RBFOX1: variants seen among roughly 807,000 people sequenced by gnomAD.
RBFOX1 encodes RNA binding fox-1 homolog 1.
RBFOX1 carries 8 observed loss-of-function variants against 57.7 expected under a neutral mutation model. The ratio of observed to expected loss-of-function variants is 0.14; its 90% CI spans 0.08 to 0.25. The LOEUF (loss-of-function observed/expected upper bound fraction) is 0.25, where lower values mean the gene tolerates loss of function less well. Ranked by LOEUF, RBFOX1 falls within the 10% of genes least tolerant of loss-of-function variation. RBFOX1 has a pLI of 1.00. For missense variants in RBFOX1, 611 were observed against 548.5 expected (o/e 1.11, Z -1.14); for synonymous variants, 326 against 222.4 (o/e 1.47, Z -4.15).
chr16:6,824,032 C>T (rs1026390738), intron 3 of RBFOX1, among the ~76,000 whole-genome samples: 21 of 152,124 alleles, frequency 1.4e-4, no homozygotes, highest in Admixed American at 4.6e-4. Context: ...TAGAGTTCTC[C>T]ATTATCTGGA....
chr16:6,979,967 G>C (rs898199286), intron 3 of RBFOX1, among the ~76,000 whole-genome samples: 1 of 152,104 alleles, frequency 6.6e-6, no homozygotes, highest in Non-Finnish European at 1.5e-5. Context: ...TCATTTTCCT[G>C]TTGGAGTGGG....
chr16:6,642,510 C>G (rs950269682), intron 2 of RBFOX1, among the ~76,000 whole-genome samples: 4 of 151,910 alleles, frequency 2.6e-5, no homozygotes, highest in Non-Finnish European at 4.4e-5. Flanking sequence ...TCGAGTTACC[C>G]GGCCTTTTAC....
At chr16:7,001,360 G>GTGTGTATGTGTATGTGTATGTGTA (rs71408493) in intron 3 of RBFOX1, among the ~76,000 whole-genome samples, 61 of 143,580 alleles carry the variant, frequency 4.2e-4, no homozygotes, top group African/African-American at 1.4e-3. Context: ...GTGTGTGTTT[G>GTGTGTATGTGTATGTGTATGTGTA]TGTGTATGTG....
intron 4 of RBFOX1, among the ~76,000 whole-genome samples, chr16:7,157,170 C>T (rs2077322941): frequency 6.6e-6 from 1 of 152,196 alleles, no homozygotes; most frequent in African/African-American, 2.4e-5. Context: ...CTCACCTGAG[C>T]ATCGTTTCAG....
At chr16:7,352,933 A>G (rs1471051892) in intron 4 of RBFOX1, among the ~76,000 whole-genome samples, 1 of 152,040 alleles carries the variant, frequency 6.6e-6, no homozygotes, top group Non-Finnish European at 1.5e-5. Context: ...CTACGCTGGT[A>G]TCGAACTGCT....
intron 4 of RBFOX1, among the ~76,000 whole-genome samples, chr16:7,262,569 C>T (rs1231682831): frequency 6.6e-6 from 1 of 152,272 alleles, no homozygotes; most frequent in Non-Finnish European, 1.5e-5. Context: ...ACCCATTGCT[C>T]CTCATTCTGG....
intron 4 of RBFOX1, among the ~76,000 whole-genome samples, chr16:7,114,067 G>C (rs1443867934): frequency 6.6e-6 from 1 of 152,046 alleles, no homozygotes; most frequent in Non-Finnish European, 1.5e-5. Flanking sequence ...CTCATATTTG[G>C]CAAAATTTTC....
intron 4 of RBFOX1, among the ~76,000 whole-genome samples, chr16:7,184,725 G>C (rs2083384032): frequency 6.6e-6 from 1 of 152,098 alleles, no homozygotes; most frequent in Non-Finnish European, 1.5e-5. Flanking sequence ...AAAAATTTGG[G>C]GCAATGTGGA....
chr16:5,438,142 C>T (rs146346240), intron 1 of RBFOX1, among the ~76,000 whole-genome samples: 1 of 152,292 alleles, frequency 6.6e-6, no homozygotes, highest in Non-Finnish European at 1.5e-5. Context: ...GTGGATATTA[C>T]ACTTCCAACC....
At chr16:7,575,222 C>A (rs563140682) in intron 5 of RBFOX1, among the ~76,000 whole-genome samples, 1 of 152,042 alleles carries the variant, frequency 6.6e-6, no homozygotes, top group East Asian at 1.9e-4. Context: ...GTAACCTCTG[C>A]CTCCTGGATT....
At chr16:6,583,146 G>A (rs1016170967) in intron 2 of RBFOX1, among the ~76,000 whole-genome samples, 5 of 152,150 alleles carry the variant, frequency 3.3e-5, no homozygotes, top group African/African-American at 9.7e-5. Flanking sequence ...AAAGCCAGCT[G>A]GAAGATAGAG....
chr16:5,251,236 C>G (rs995460597), intron 1 of RBFOX1, among the ~76,000 whole-genome samples: 1 of 152,214 alleles, frequency 6.6e-6, no homozygotes, highest in African/African-American at 2.4e-5. Context: ...CTGCAGATCT[C>G]GAGGCCTGCC....
chr16:7,293,312 T>A (rs2095830356), intron 4 of RBFOX1, among the ~76,000 whole-genome samples: 1 of 152,186 alleles, frequency 6.6e-6, no homozygotes, highest in Admixed American at 6.5e-5. Flanking sequence ...TACAGGAGGA[T>A]ATGTGTAGGT....
intron 3 of RBFOX1, among the ~76,000 whole-genome samples, chr16:6,837,393 C>A (rs758562262): frequency 4.6e-5 from 7 of 152,198 alleles, no homozygotes; most frequent in Non-Finnish European, 8.8e-5. Context: ...GTAGTGACTT[C>A]CAATCACGGT....
intron 3 of RBFOX1, among the ~76,000 whole-genome samples, chr16:6,917,046 C>T (rs1468022209): frequency 6.6e-6 from 1 of 152,062 alleles, no homozygotes; most frequent in Non-Finnish European, 1.5e-5. Flanking sequence ...ATGGGTTTCA[C>T]CATGTTGTTG....
intron 1 of RBFOX1, among the ~76,000 whole-genome samples, chr16:5,458,657 G>T (rs1016825783): frequency 5.9e-5 from 9 of 152,184 alleles, no homozygotes; most frequent in Admixed American, 3.3e-4. Context: ...AGTGCTTTCA[G>T]GTTGCCATGA....
intron 1 of RBFOX1, among the ~76,000 whole-genome samples, chr16:5,306,585 G>T (rs1369153661): frequency 1.3e-5 from 2 of 152,130 alleles, no homozygotes; most frequent in Non-Finnish European, 2.9e-5. Flanking sequence ...TGGGATTACG[G>T]TGTGAGTCAC....
At chr16:6,511,279 AGGCCAGT>A (rs1320967303) in intron 2 of RBFOX1, among the ~76,000 whole-genome samples, 1 of 152,204 alleles carries the variant, frequency 6.6e-6, no homozygotes, top group Admixed American at 6.5e-5. Flanking sequence ...AGGGAGGAAT[AGGCCAGT>A]GTGCTGGTTC....
intron 4 of RBFOX1, among the ~76,000 whole-genome samples, chr16:7,179,662 A>T (rs556191244): frequency 6.6e-6 from 1 of 152,120 alleles, no homozygotes; most frequent in Non-Finnish European, 1.5e-5. Context: ...CAACACAATG[A>T]ATTTATTTGA....
Sources: gnomAD v4.1 joint callset for allele counts (sites outside exome capture counted in the v4.1 genomes callset) on GRCh38, gnomAD v4.1.1 for gene constraint, MANE v1.5 for transcripts, NCBI Gene and HGNC (gene_info 2026-07-23, HGNC 2026-07-21) for gene names.